Variants in DLGAP4 observed in about 807,000 individuals in gnomAD.
DLGAP4 encodes the protein disks large-associated protein 4.
DLGAP4 carries 18 observed loss-of-function variants against 86.9 expected under a neutral mutation model. The ratio of observed to expected loss-of-function variants is 0.21; its 90% confidence interval spans 0.14 to 0.31. The LOEUF (loss-of-function observed/expected upper bound fraction) is 0.31. DLGAP4 is among the 10% of genes least tolerant of loss of function. The pLI, the probability that DLGAP4 is intolerant of heterozygous loss-of-function variation, is 1.00. For synonymous variants in DLGAP4, 548 were observed against 574.3 expected, an observed-to-expected ratio of 0.95 and a Z score of 0.65; for missense variants, 1,085 against 1,362.6, an observed-to-expected ratio of 0.80 and a Z score of 3.21.
At position 36,431,185 on chromosome 20, in the gene DLGAP4, A is replaced by G. The variant is rs1241666440; in HGVS notation, c.-72-461A>G. Among the ~76,000 whole-genome samples the G allele has an allele frequency of 6.6e-6, 1 of 152,030 alleles. No homozygotes were observed. Among genetic ancestry groups the G allele is most frequent in the African/African-American group, 2.4e-5 (1 of 41,388 alleles). On this transcript the variant is annotated intron_variant, in intron 2 of 12. Coordinates refer to ENST00000339266, the MANE Select transcript of DLGAP4 (RefSeq NM_001365621.2). This position sits in a 1 kb window ranked among gnomAD's most constrained non-coding sequence, Gnocchi z 5.1. The stretch of plus-strand genomic sequence containing the variant: ...GGAGGTGGACCCTGCCACAGGGACC[A>G]TCCTGGGGTTCCGGGATGACTGTTT...
intron 7 of DLGAP4, chr20:36,462,156 TC>T (rs2034114095): frequency 9.6e-7 from 1 of 1,036,566 alleles, no homozygotes; most frequent in South Asian, 3.5e-5. Context: ...GTTCCCCATA[TC>T]CACTGGGAGC....
rs1203641964 is a variant in DLGAP4 at position 36,327,209 on chromosome 20, G to A, written c.-304+20697G>A. ...GAGATGGGGTTTTGCCATGTTGGCC[G>A]GGCTGGTCTTGAACTCCTGACCTCA... On this transcript the variant is annotated intron_variant, in intron 1 of 12. Transcript: ENST00000339266. 3.3e-5 allele frequency among the ~76,000 whole-genome samples: 5 copies of A among 151,556 alleles called. No homozygotes were observed. The East Asian group carries it at 5.8e-4, about 18-fold the overall frequency.
At chr20:36,514,222 G>A (rs1317256430) in intron 10 of DLGAP4, among the ~76,000 whole-genome samples, 1 of 152,130 alleles carries the variant, frequency 6.6e-6, no homozygotes, top group Admixed American at 6.6e-5. Context: ...AAAGGCAGAG[G>A]TCATTAGATA....
At chr20:36,461,527 G>GGCT in intron 7 of DLGAP4, 6 of 982,522 alleles carry the variant, frequency 6.1e-6, no homozygotes, top group Non-Finnish European at 7.2e-6. Flanking sequence ...GCCCGCCGCT[G>GGCT]GCCGCCGCCG....
In DLGAP4 at chr20:36,431,706, C is replaced by T. The variant is rs893112085; in HGVS notation, c.-12C>T. On this transcript the variant is annotated 5_prime_UTR_variant, in exon 3 of 13. Coordinates refer to ENST00000339266, the MANE Select transcript of DLGAP4 (RefSeq NM_001365621.2). This position sits in a 1 kb window ranked among gnomAD's most constrained non-coding sequence, Gnocchi z 5.1. The stretch of plus-strand genomic sequence containing the variant: ...CTGCTAGGGTGAAGGCCCCTGCCCT[C>T]GGCCCGGGATCATGAAAGGCCTCGG... The T allele has an allele frequency of 8.9e-6, 14 of 1,571,668 alleles. No individual in the cohort carries two copies. Among genetic ancestry groups the T allele is most frequent in the Non-Finnish European group, 1.1e-5 (13 of 1,156,408 alleles).
chr20:36,388,717 G>A (rs1600469965), intron 2 of DLGAP4, among the ~76,000 whole-genome samples: 1 of 152,304 alleles, frequency 6.6e-6, no homozygotes, highest in African/African-American at 2.4e-5. Context: ...ACCTCAGAGG[G>A]TTGATGAGAG....
chr20:36,332,370 T>G (rs2065277873), intron 1 of DLGAP4, among the ~76,000 whole-genome samples: 1 of 151,156 alleles, frequency 6.6e-6, no homozygotes, highest in Non-Finnish European at 1.5e-5. Context: ...CCGTTTTTTG[T>G]TTTTTTTGTT....
chr20:36,515,150 G>A (rs2036961459), intron 10 of DLGAP4, among the ~76,000 whole-genome samples: 1 of 152,112 alleles, frequency 6.6e-6, no homozygotes, highest in African/African-American at 2.4e-5. Context: ...TTGCATGTCT[G>A]TATCACACCA....
chr20:36,443,090 G>A (rs73277335), intron 6 of DLGAP4, among the ~76,000 whole-genome samples: 4,032 of 152,250 alleles, frequency 0.026, 169 homozygotes, highest in African/African-American at 0.092. Flanking sequence ...AGAAAGCCTG[G>A]GTCAGGCCTG....
chr20:36,447,587 ATTTTTGTAT>A (rs2033626088), intron 7 of DLGAP4, among the ~76,000 whole-genome samples: 1 of 151,934 alleles, frequency 6.6e-6, no homozygotes, highest in Non-Finnish European at 1.5e-5. Context: ...TGCCTGGCTA[ATTTTTGTAT>A]TTTTAGTAGA....
intron 1 of DLGAP4, among the ~76,000 whole-genome samples, chr20:36,363,916 G>A (rs1469878383): frequency 6.6e-6 from 1 of 152,182 alleles, no homozygotes. Context: ...GAGCAGTGGT[G>A]AGGAGAAGCC....
At position 36,328,206 on chromosome 20, in the gene DLGAP4, T is replaced by TA. The variant is rs199833803; in HGVS notation, c.-304+21702dup. On this transcript the variant is annotated intron_variant, in intron 1 of 12. Transcript: ENST00000339266. Reference sequence around the variant, plus strand: ...AGAGCAAGACTCTGTCTCAAGAAAATAAAAAAAATAAAAAATAAAAATTCT... The same window carrying TA: ...AGAGCAAGACTCTGTCTCAAGAAAATAAAAAAAAATAAAAAATAAAAATTCT... Among the ~76,000 whole-genome samples the TA allele has an allele frequency of 6.7e-3, 1,014 of 151,016 alleles. 13 individuals are homozygous for TA. Among genetic ancestry groups the TA allele is most frequent in the African/African-American group, 0.023 (961 of 41,158 alleles).
At chr20:36,467,063 T>TCTCTCTCTCTCCCC (rs1569509700) in intron 7 of DLGAP4, among the ~76,000 whole-genome samples, 1 of 39,374 alleles carries the variant, frequency 2.5e-5, no homozygotes, top group African/African-American at 1.2e-4. Context: ...TCTCTCTCTC[T>TCTCTCTCTCTCCCC]CCCCCCCCCT....
intron 2 of DLGAP4, among the ~76,000 whole-genome samples, chr20:36,384,233 A>G (rs896792197): frequency 2.6e-5 from 4 of 151,880 alleles, no homozygotes; most frequent in African/African-American, 9.7e-5. Flanking sequence ...GAGAGGGTAG[A>G]GATTTGGCCT....
chr20:36,350,339 G>A lies in DLGAP4; in HGVS notation c.-303-16706G>A, dbSNP rs1466128449. Among the ~76,000 whole-genome samples the A allele has an allele frequency of 6.6e-6, 1 of 152,236 alleles. No homozygotes were observed. Among genetic ancestry groups the A allele is most frequent in the Non-Finnish European group, 1.5e-5 (1 of 68,042 alleles). ...GGCGGGAGCAAGTGCCTGGGTGAGAGCAGTCCCTCCTGGGTGGGGCAGTGG... is the reference window on the plus strand; with the variant it reads ...GGCGGGAGCAAGTGCCTGGGTGAGAACAGTCCCTCCTGGGTGGGGCAGTGG... On this transcript the variant is annotated intron_variant, in intron 1 of 12. Transcript: ENST00000339266. This position sits in a 1 kb window ranked among gnomAD's most constrained non-coding sequence, Gnocchi z 4.4.
At position 36,432,360 on chromosome 20, in the gene DLGAP4, G is replaced by A; in HGVS notation, c.643G>A (p.Ala215Thr). 1 of 1,613,552 alleles carries A rather than the reference G, an allele frequency of 6.2e-7. No individual in the cohort carries two copies. Among genetic ancestry groups the A allele is most frequent in the Non-Finnish European group, 8.5e-7 (1 of 1,179,996 alleles). The stretch of plus-strand genomic sequence containing the variant: ...CTCCGATGACAACTTGGACGGCGAG[G>A]CCGGCGCCTTCCGCAGCAGTGGCCC... ...WSSDDNLDGEAGAFRSSGPAS... is the reference protein window; with the variant it reads ...WSSDDNLDGETGAFRSSGPAS... The change falls in exon 3 of 13, where the codon GCC becomes ACC. Residue 215 changes from alanine to threonine, a missense_variant. Ala to Thr is a moderately conservative substitution (Grantham distance 58). Transcript: ENST00000339266. The surrounding 1 kb of genome is among the most constrained non-coding windows in gnomAD (Gnocchi z 6.5).
At chr20:36,503,474 A>C (rs2036229271) in intron 10 of DLGAP4, among the ~76,000 whole-genome samples, 1 of 125,014 alleles carries the variant, frequency 8.0e-6, no homozygotes, top group African/African-American at 3.1e-5. Flanking sequence ...CATACCATAT[A>C]TGGCCTTTTT....
chr20:36,403,554 TG>T (rs1238188153), intron 2 of DLGAP4, among the ~76,000 whole-genome samples: 1 of 152,250 alleles, frequency 6.6e-6, no homozygotes, highest in African/African-American at 2.4e-5. Context: ...TAGTCTGAGC[TG>T]CCCAGTGGTA....
At chr20:36,371,021 A>ACAC (rs2030909310) in intron 2 of DLGAP4, among the ~76,000 whole-genome samples, 3 of 152,186 alleles carry the variant, frequency 2.0e-5, no homozygotes, top group African/African-American at 7.2e-5. Flanking sequence ...CCCATTTTAC[A>ACAC]AATGAGAGGA....
Sources: allele counts gnomAD v4.1 joint callset (sites outside exome capture counted in the v4.1 genomes callset), GRCh38; gene constraint gnomAD v4.1.1; non-coding constraint Gnocchi (gnomAD v3.1); transcripts MANE v1.5; gene names NCBI Gene and HGNC (gene_info 2026-07-23, HGNC 2026-07-21).